Variants in SNX9 observed in about 807,000 individuals in gnomAD.
The protein encoded by SNX9 is sorting nexin 9, also known as sorting nexin-9.
In SNX9, 44 loss-of-function variants were observed where a neutral mutation model predicts 89.4. The ratio of observed to expected loss-of-function variants is 0.49; its 90% CI spans 0.39 to 0.63. The LOEUF (loss-of-function observed/expected upper bound fraction) is 0.63, where lower values mean the gene tolerates loss of function less well. Among genes scored for constraint, SNX9 ranks in the 30% least tolerant of loss-of-function variants. The pLI is 0.00. For missense variants in SNX9, 578 were observed against 736.1 expected (o/e 0.79, Z 2.49); for synonymous variants, 236 against 247.8 (o/e 0.95, Z 0.45).
intron 6 of SNX9, among the ~76,000 whole-genome samples, chr6:157,905,315 G>A (rs1010297441): frequency 1.6e-4 from 24 of 152,154 alleles, no homozygotes; most frequent in Admixed American, 5.2e-4. Context: ...CTGGAACTTC[G>A]TAGAAATAAG....
chr6:157,845,727 C>G (rs1471120624), intron 1 of SNX9, among the ~76,000 whole-genome samples: 1 of 152,172 alleles, frequency 6.6e-6, no homozygotes, highest in Non-Finnish European at 1.5e-5. Flanking sequence ...GTGTAGCATA[C>G]AGGCTGTGTG....
chr6:157,867,417 T>C, intron 1 of SNX9, 130 bp from the exon 2 acceptor site: 5 of 658,060 alleles, frequency 7.6e-6, no homozygotes, highest in South Asian at 4.9e-5. Context: ...ATGTCTTCCT[T>C]TCTTCCAAAA....
intron 1 of SNX9, among the ~76,000 whole-genome samples, chr6:157,842,264 C>T (rs1781717438): frequency 6.6e-6 from 1 of 152,156 alleles, no homozygotes; most frequent in Non-Finnish European, 1.5e-5. Flanking sequence ...TTGTATGAGT[C>T]TGCCCATGTT....
intron 1 of SNX9, among the ~76,000 whole-genome samples, chr6:157,838,100 T>C (rs1451970934): frequency 6.6e-6 from 1 of 151,982 alleles, no homozygotes; most frequent in Non-Finnish European, 1.5e-5. Context: ...GCAGCCCCAA[T>C]TTCCCGGGCT....
intron 9 of SNX9, among the ~76,000 whole-genome samples, chr6:157,910,228 C>T (rs772947693): frequency 6.6e-6 from 1 of 152,168 alleles, no homozygotes; most frequent in Non-Finnish European, 1.5e-5. Flanking sequence ...CTCACAAGAA[C>T]GTTTAATGTG....
rs572847872 is a variant in SNX9, at chr6:157,912,602, G to C, written c.949+2577G>C. On this transcript the variant is annotated intron_variant, in intron 9 of 17. Coordinates refer to ENST00000392185, the MANE Select transcript of SNX9 (RefSeq NM_016224.5). ...CACTTGTGTGCCTCCTGCCTGGGATGCCCACAGATCATTATTATGTAAGAA... is the reference window on the plus strand; with the variant it reads ...CACTTGTGTGCCTCCTGCCTGGGATCCCCACAGATCATTATTATGTAAGAA... Among the ~76,000 whole-genome samples, 140 of 152,240 alleles carry C rather than the reference G, an allele frequency of 9.2e-4. 4 individuals carry two copies. The South Asian group carries it at 0.027, about 29-fold the overall frequency.
chr6:157,927,061 C>T (rs757334941), intron 10 of SNX9, 50 bp from the exon 11 acceptor site: 1 of 1,425,212 alleles, frequency 7.0e-7, no homozygotes, highest in Admixed American at 1.7e-5. Flanking sequence ...ATTTTGAAGA[C>T]CAGTTTGACT....
chr6:157,898,833 C>G (rs2115166534), intron 5 of SNX9, among the ~76,000 whole-genome samples: 1 of 152,296 alleles, frequency 6.6e-6, no homozygotes, highest in Admixed American at 6.5e-5. Context: ...CAGGTCCCGG[C>G]TGAAGGCTGG....
chr6:157,852,269 A>G (rs1370886377), intron 1 of SNX9, among the ~76,000 whole-genome samples: 1 of 152,232 alleles, frequency 6.6e-6, no homozygotes, highest in Non-Finnish European at 1.5e-5. Context: ...GTATATCTGA[A>G]TTTTACACAT....
intron 10 of SNX9, among the ~76,000 whole-genome samples, chr6:157,926,672 C>CAAAAA (rs1442211509): frequency 1.3e-5 from 2 of 149,152 alleles, no homozygotes; most frequent in Non-Finnish European, 3.0e-5. Flanking sequence ...GTCCCAGCTA[C>CAAAAA]TTGGGGGCTG....
intron 1 of SNX9, among the ~76,000 whole-genome samples, chr6:157,848,085 C>T (rs148498680): frequency 3.9e-5 from 6 of 152,270 alleles, no homozygotes; most frequent in African/African-American, 1.4e-4. Context: ...CTCACCACCA[C>T]CTGGAATTGC....
chr6:157,935,732 A>T (rs1783909945), intron 13 of SNX9, among the ~76,000 whole-genome samples: 1 of 152,176 alleles, frequency 6.6e-6, no homozygotes, highest in African/African-American at 2.4e-5. Context: ...TATGAATGAG[A>T]TGCTGATGTC....
At chr6:157,881,328 G>C (rs1007494265) in intron 4 of SNX9, among the ~76,000 whole-genome samples, 2 of 152,094 alleles carry the variant, frequency 1.3e-5, no homozygotes, top group African/African-American at 4.8e-5. Context: ...TGTTCCGCCT[G>C]TTCTACCCGC....
intron 12 of SNX9, among the ~76,000 whole-genome samples, chr6:157,929,277 GT>G (rs1009951506): frequency 1.3e-5 from 2 of 152,142 alleles, no homozygotes; most frequent in African/African-American, 4.8e-5. Context: ...TCCTAGAACT[GT>G]GCAGCTCTGT....
Position 157,944,320 on chromosome 6 carries a change from T to G in SNX9, c.*1482T>G, listed in dbSNP as rs1244502436. The G allele has an allele frequency of 6.6e-6, 1 of 152,652 alleles. No homozygotes were observed. Among genetic ancestry groups the G allele is most frequent in the East Asian group, 1.9e-4 (1 of 5,198 alleles). 9.5% of individuals were successfully genotyped at this position (152,652 alleles called of 1,614,324 possible). A position where few individuals can be genotyped will look rare whatever the true frequency, so the allele number is the denominator to read the frequency against. ...ACATCTTGTTCTTCAATATCACGGGTTTTTGTTAATGTTTCATAAGTAATT... is the reference window on the plus strand; with the variant it reads ...ACATCTTGTTCTTCAATATCACGGGGTTTTGTTAATGTTTCATAAGTAATT... On this transcript the variant is annotated 3_prime_UTR_variant, in exon 18 of 18. Coordinates refer to ENST00000392185, the MANE Select transcript of SNX9 (RefSeq NM_016224.5).
chr6:157,921,767 A>C, intron 10 of SNX9, 106 bp downstream of exon 10: 2 of 1,296,182 alleles, frequency 1.5e-6, no homozygotes, highest in Non-Finnish European at 2.1e-6. Flanking sequence ...GTTATTTCTC[A>C]CTTCCTCCAG....
chr6:157,826,295 G>A (rs1012456337), intron 1 of SNX9, among the ~76,000 whole-genome samples: 1 of 151,892 alleles, frequency 6.6e-6, no homozygotes, highest in Non-Finnish European at 1.5e-5. Flanking sequence ...TCGGGAGATC[G>A]AGACCATCCT....
chr6:157,888,779 G>T (rs925510057), intron 4 of SNX9, among the ~76,000 whole-genome samples: 1 of 152,118 alleles, frequency 6.6e-6, no homozygotes, highest in Admixed American at 6.5e-5. Context: ...CTCTTCTTGG[G>T]GCATGGTGAT....
intron 10 of SNX9, among the ~76,000 whole-genome samples, chr6:157,926,490 G>A (rs1282158745): frequency 6.6e-6 from 1 of 152,128 alleles, no homozygotes; most frequent in East Asian, 1.9e-4. Context: ...AGGTCAGAAT[G>A]CATAGGGTGG....
Sources: gnomAD v4.1 joint callset for allele counts (sites outside exome capture counted in the v4.1 genomes callset) on GRCh38, gnomAD v4.1.1 for gene constraint, MANE v1.5 for transcripts, NCBI Gene and HGNC (gene_info 2026-07-23, HGNC 2026-07-21) for gene names.